Variants in PRIM2 observed in about 807,000 individuals in gnomAD.
PRIM2 encodes DNA primase large subunit.
A neutral mutation model predicts 67.3 loss-of-function variants in PRIM2; 39 were observed. The observed-to-expected ratio is 0.58, with a 90% confidence interval of 0.45 to 0.76. The LOEUF (loss-of-function observed/expected upper bound fraction) is 0.76, where lower values mean the gene tolerates loss of function less well. Among genes scored for constraint, PRIM2 ranks in the 30% least tolerant of loss-of-function variants. The pLI, the probability that PRIM2 is intolerant of heterozygous loss-of-function variation, is 0.00. For synonymous variants in PRIM2, 143 were observed against 198.7 expected (o/e 0.72, Z 2.36); for missense variants, 398 against 598.7 (o/e 0.66, Z 3.50).
the PRIM2 span, among the ~76,000 whole-genome samples, chr6:57,258,568 C>T: frequency 6.7e-6 from 1 of 150,366 alleles, no homozygotes; most frequent in Non-Finnish European, 1.5e-5. Context: ...CAGTGAGGGC[C>T]CCCCAGCCCC....
At position 57,626,893 on chromosome 6, in the gene PRIM2, T is replaced by C. The variant is rs1278004571; in HGVS notation, c.1231-5240T>C. On this transcript the variant is annotated intron_variant, in intron 12 of 13. Coordinates refer to ENST00000615550, the MANE Select transcript of PRIM2 (RefSeq NM_000947.5). Reference sequence around the variant, plus strand: ...CACCTGCCCTGGCCTCCCAAAGTGCTGGGATTACAGGTGTGAGCCACCACA... The same window carrying C: ...CACCTGCCCTGGCCTCCCAAAGTGCCGGGATTACAGGTGTGAGCCACCACA... Among the ~76,000 whole-genome samples the C allele has an allele frequency of 1.5e-4, 23 of 152,234 alleles. No homozygotes were observed. In the South Asian group the frequency reaches 4.8e-3, roughly 32 times the overall value.
intron 10 of PRIM2, among the ~76,000 whole-genome samples, chr6:57,585,160 A>T (rs1387688700): frequency 6.6e-6 from 1 of 152,190 alleles, no homozygotes; most frequent in Non-Finnish European, 1.5e-5. Context: ...GATTTTTCTA[A>T]TGAAGAAGCT....
chr6:57,618,170 A>T (rs1562804291), intron 12 of PRIM2, among the ~76,000 whole-genome samples: 1 of 152,208 alleles, frequency 6.6e-6, no homozygotes, highest in Non-Finnish European at 1.5e-5. Context: ...ATCAGGAAGC[A>T]TGGAATCTTC....
chr6:57,560,540 C>G (rs1244476835), intron 10 of PRIM2, among the ~76,000 whole-genome samples: 25 of 151,660 alleles, frequency 1.6e-4, no homozygotes, highest in African/African-American at 5.6e-4. Flanking sequence ...TTGCCTAGAT[C>G]CATCAGAGGA....
the PRIM2 span, among the ~76,000 whole-genome samples, chr6:57,275,768 C>T: frequency 6.6e-6 from 1 of 152,188 alleles, no homozygotes; most frequent in African/African-American, 2.4e-5. Context: ...AGTGCTGGCT[C>T]TGTTGGAGTC....
chr6:57,288,465 G>C, the PRIM2 span, among the ~76,000 whole-genome samples: 1 of 152,190 alleles, frequency 6.6e-6, no homozygotes, highest in African/African-American at 2.4e-5. Context: ...CAGCGTTCAA[G>C]CTTTGAGAAT....
chr6:57,595,401 C>T (rs1776347835), intron 10 of PRIM2, among the ~76,000 whole-genome samples: 1 of 152,098 alleles, frequency 6.6e-6, no homozygotes, highest in Admixed American at 6.5e-5. Context: ...CTCACACTGA[C>T]CAATTCTCTG....
intron 7 of PRIM2, among the ~76,000 whole-genome samples, chr6:57,441,438 G>A (rs1388239554): frequency 6.6e-6 from 1 of 151,996 alleles, no homozygotes; most frequent in Non-Finnish European, 1.5e-5. Flanking sequence ...TTTTCTAAGG[G>A]AGGCAATAGC....
At chr6:57,525,724 TCTC>T (rs1774737254) in intron 8 of PRIM2, among the ~76,000 whole-genome samples, 1 of 152,226 alleles carries the variant, frequency 6.6e-6, no homozygotes, top group Non-Finnish European at 1.5e-5. Context: ...TTGCCTACCT[TCTC>T]CTCTCACCCT....
chr6:57,577,427 ATTTTTTTT>A (rs1161633688), intron 10 of PRIM2, among the ~76,000 whole-genome samples: 2 of 121,678 alleles, frequency 1.6e-5, no homozygotes, highest in Non-Finnish European at 3.4e-5. Flanking sequence ...TGGTATATAA[ATTTTTTTT>A]TTTTTTTTTT....
At chr6:57,348,701 C>G (rs574268935) in intron 5 of PRIM2, among the ~76,000 whole-genome samples, 5 of 149,962 alleles carry the variant, frequency 3.3e-5, no homozygotes, top group African/African-American at 1.2e-4. Context: ...TTACAGTGCA[C>G]TGAGTAGTTC....
In PRIM2 at chr6:57,388,177, G is replaced by A. The variant is rs561491262; in HGVS notation, c.693+6009G>A. Among the ~76,000 whole-genome samples, 289 of 152,326 alleles carry A rather than the reference G, an allele frequency of 1.9e-3. 5 individuals are homozygous for A. The highest frequency in any genetic ancestry group is 2.3e-3 in the Non-Finnish European group (156 of 68,036). On this transcript the variant is annotated intron_variant, in intron 7 of 13. Transcript: ENST00000615550. ...GAGTTTGATTTTTTTTTAGCCTAAT[G>A]TAGTTGAAAGACATTGGATGATTTT...
At chr6:57,328,569 G>A (rs1264945576) in intron 5 of PRIM2, among the ~76,000 whole-genome samples, 1 of 152,162 alleles carries the variant, frequency 6.6e-6, no homozygotes, top group Non-Finnish European at 1.5e-5. Flanking sequence ...TTCAGCATTC[G>A]AGGGACATTT....
At chr6:57,621,759 A>G (rs1776860267) in intron 12 of PRIM2, among the ~76,000 whole-genome samples, 1 of 152,188 alleles carries the variant, frequency 6.6e-6, no homozygotes, top group African/African-American at 2.4e-5. Context: ...TAATACCTAT[A>G]TAGTTACCTT....
chr6:57,512,602 C>CT (rs1254429366), intron 8 of PRIM2, among the ~76,000 whole-genome samples: 10,529 of 150,554 alleles, frequency 0.07, 751 homozygotes, highest in African/African-American at 0.18. Context: ...TTTTTCTTTT[C>CT]TTTTTTTTTG....
At chr6:57,615,301 G>C (rs1200077819) in intron 12 of PRIM2, among the ~76,000 whole-genome samples, 17 of 151,862 alleles carry the variant, frequency 1.1e-4, no homozygotes, top group African/African-American at 4.1e-4. Flanking sequence ...CACCTGTAGT[G>C]TCAGCTATGC....
intron 7 of PRIM2, among the ~76,000 whole-genome samples, chr6:57,471,743 A>G (rs1773341127): frequency 1.3e-5 from 2 of 152,386 alleles, no homozygotes; most frequent in African/African-American, 4.8e-5. Context: ...GAAGTTAAAC[A>G]GAATTAAGTG....
At chr6:57,426,710 A>G (rs1771638234) in intron 7 of PRIM2, among the ~76,000 whole-genome samples, 1 of 152,232 alleles carries the variant, frequency 6.6e-6, no homozygotes, top group East Asian at 1.9e-4. Context: ...TAGCAGCTTT[A>G]TTCATAATAG....
intron 12 of PRIM2, among the ~76,000 whole-genome samples, chr6:57,627,733 G>C (rs1403625197): frequency 6.6e-6 from 1 of 152,122 alleles, no homozygotes; most frequent in Non-Finnish European, 1.5e-5. Context: ...AACTAGATTA[G>C]AACAGTAAGT....
Sources: allele counts gnomAD v4.1 joint callset (sites outside exome capture counted in the v4.1 genomes callset), GRCh38; gene constraint gnomAD v4.1.1; transcripts MANE v1.5; gene names NCBI Gene and HGNC (gene_info 2026-07-23, HGNC 2026-07-21).